Variants in CMTM4 observed in about 807,000 individuals in gnomAD.
CMTM4 encodes CKLF like MARVEL transmembrane domain containing 4.
CMTM4 carries 8 observed loss-of-function variants against 19.0 expected under a neutral mutation model. The ratio of observed to expected loss-of-function variants is 0.42; its 90% CI spans 0.25 to 0.76. The LOEUF (loss-of-function observed/expected upper bound fraction) is 0.76. Ranked by LOEUF, CMTM4 falls within the 30% of genes least tolerant of loss-of-function variation. The pLI is 0.27. For missense variants in CMTM4, 228 were observed against 290.2 expected, an observed-to-expected ratio of 0.79 and a Z score of 1.56; for synonymous variants, 106 against 121.1, an observed-to-expected ratio of 0.88 and a Z score of 0.82.
chr16:66,629,702 G>C (rs1417865476), intron 2 of CMTM4, among the ~76,000 whole-genome samples: 1 of 152,172 alleles, frequency 6.6e-6, no homozygotes, highest in East Asian at 1.9e-4. Flanking sequence ...GGTGATTAGA[G>C]AGTTGGAATT....
chr16:66,650,131 T>G (rs2144838366), intron 1 of CMTM4, among the ~76,000 whole-genome samples: 1 of 152,210 alleles, frequency 6.6e-6, no homozygotes, highest in Admixed American at 6.5e-5. Context: ...AACACCAAAC[T>G]CAGGTGGTCT....
chr16:66,676,385 G>A (rs1323660498), intron 1 of CMTM4, among the ~76,000 whole-genome samples: 2 of 152,104 alleles, frequency 1.3e-5, no homozygotes. Context: ...TCACAGAACT[G>A]TCCCACATCT....
Position 66,622,342 on chromosome 16 carries a change from T to C in CMTM4, c.463-120A>G, listed in dbSNP as rs2015655896. The C allele has an allele frequency of 4.5e-6, 5 of 1,101,386 alleles. No homozygotes were observed. The highest frequency in any genetic ancestry group is 6.5e-6 in the Non-Finnish European group (5 of 772,270). 68.2% of individuals were successfully genotyped at this position (1,101,386 alleles called of 1,614,324 possible). On this transcript the variant is annotated intron_variant, in intron 3 of 3. Transcript: ENST00000394106. The surrounding 1 kb of genome is among the most constrained non-coding windows in gnomAD (Gnocchi z 4.0). ...CTGCCAGCTGATCATTACAACCCTG[T>C]GCCTTCATTCCTTGATCTCTTCCCC...
intron 1 of CMTM4, among the ~76,000 whole-genome samples, chr16:66,678,920 T>G (rs906634628): frequency 6.6e-6 from 1 of 151,918 alleles, no homozygotes; most frequent in Non-Finnish European, 1.5e-5. Flanking sequence ...CTGGGCAACA[T>G]GGCGAAACCC....
chr16:66,631,673 G>A (rs2015874191), intron 2 of CMTM4, among the ~76,000 whole-genome samples: 2 of 152,078 alleles, frequency 1.3e-5, no homozygotes, highest in African/African-American at 4.8e-5. Context: ...TGTCCACTCA[G>A]GGTTAAATGG....
chr16:66,666,583 A>C (rs951350003), intron 1 of CMTM4, among the ~76,000 whole-genome samples: 1 of 152,260 alleles, frequency 6.6e-6, no homozygotes, highest in African/African-American at 2.4e-5. Context: ...GTAAGAAAAC[A>C]AACTGCCCAA....
Position 66,621,558 on chromosome 16 carries a change from G to A in CMTM4, c.*500C>T. ...CCAGCCCTGTGGCCTTTGGGCTGGT[G>A]CTGGCTGCCTGGGGGCCCTGGCATG... On this transcript the variant is annotated 3_prime_UTR_variant, in exon 4 of 4. Transcript: ENST00000394106. The A allele has an allele frequency of 1.1e-5, 11 of 988,966 alleles. No individual in the cohort carries two copies. The highest frequency in any genetic ancestry group is 1.1e-5 in the Non-Finnish European group (9 of 831,746). 61.3% of individuals were successfully genotyped at this position (988,966 alleles called of 1,614,324 possible).
intron 2 of CMTM4, among the ~76,000 whole-genome samples, chr16:66,635,708 C>A (rs988212884): frequency 1.3e-5 from 2 of 152,188 alleles, no homozygotes; most frequent in Non-Finnish European, 2.9e-5. Context: ...CTGACTGACT[C>A]CCTTTGAGCT....
rs942012922 is a variant in CMTM4, at chr16:66,673,359, C to G, written c.186+22981G>C. On this transcript the variant is annotated intron_variant, in intron 1 of 3. Coordinates refer to ENST00000394106, the MANE Select transcript of CMTM4 (RefSeq NM_181521.3). ...AGTAGCTGGGACTACAGGCTCACAC[C>G]ACCATGCTCAGCTAATTTTTTTATT... Among the ~76,000 whole-genome samples the G allele has an allele frequency of 3.3e-5, 5 of 151,904 alleles. No individual in the cohort carries two copies. The South Asian group carries it at 1.0e-3, about 32-fold the overall frequency.
chr16:66,604,688 C>A, the CMTM4 span: 5 of 784,780 alleles, frequency 6.4e-6, no homozygotes, highest in African/African-American at 1.8e-5. Context: ...GCGGGGGATG[C>A]GCCCCTGCGC....
chr16:66,696,218 G>T lies in CMTM4; in HGVS notation c.186+122C>A. The T allele has an allele frequency of 1.6e-6, 1 of 644,526 alleles. No individual in the cohort carries two copies. The highest frequency in any genetic ancestry group is 2.2e-6 in the Non-Finnish European group (1 of 458,282). The allele number at this position is 644,526 out of a possible 1,614,324, so 39.9% of individuals were successfully genotyped here. A position where few individuals can be genotyped will look rare whatever the true frequency, so the allele number is the denominator to read the frequency against. On this transcript the variant is annotated intron_variant, in intron 1 of 3. Coordinates refer to ENST00000394106, the MANE Select transcript of CMTM4 (RefSeq NM_181521.3). The surrounding 1 kb of genome is among the most constrained non-coding windows in gnomAD (Gnocchi z 4.3). ...TCCCGGGACCCCACGAGGGAGAGGG[G>T]GCGCGAGGAGCGGGCTCCGGCCTGG...
At chr16:66,654,547 T>G (rs1385665837) in intron 1 of CMTM4, among the ~76,000 whole-genome samples, 1 of 152,158 alleles carries the variant, frequency 6.6e-6, no homozygotes, top group Non-Finnish European at 1.5e-5. Context: ...ACTGGGCACC[T>G]CTACGTAATA....
chr16:66,683,157 AT>A (rs1567432094), intron 1 of CMTM4, among the ~76,000 whole-genome samples: 2 of 123,332 alleles, frequency 1.6e-5, no homozygotes, highest in African/African-American at 6.0e-5. Context: ...GTATATATAT[AT>A]ACGTATATAT....
At chr16:66,600,136 GT>G in the CMTM4 span, among the ~76,000 whole-genome samples, 4 of 135,166 alleles carry the variant, frequency 3.0e-5, no homozygotes, top group Admixed American at 7.8e-5. Context: ...GTGTGTGTGT[GT>G]TTTTTTTTGT....
intron 2 of CMTM4, among the ~76,000 whole-genome samples, chr16:66,629,545 G>T (rs1379922350): frequency 1.3e-5 from 2 of 152,138 alleles, no homozygotes; most frequent in Admixed American, 6.6e-5. Context: ...TCAAATCCTT[G>T]AATCTCTTGA....
intron 2 of CMTM4, among the ~76,000 whole-genome samples, chr16:66,631,421 A>T (rs988157273): frequency 2.6e-5 from 4 of 151,466 alleles, no homozygotes; most frequent in Admixed American, 2.0e-4. Context: ...CCACCCCGTC[A>T]GGGAGGTGTA....
At chr16:66,610,151 A>C, downstream of CMTM4, 1 of 970,074 alleles carries the variant, frequency 1.0e-6, no homozygotes, top group Non-Finnish European at 1.5e-6. The surrounding 1 kb of genome is among the most constrained non-coding windows in gnomAD (Gnocchi z 4.6). Flanking sequence ...ACCTACCCTC[A>C]TGCAGCACTG....
downstream of CMTM4, among the ~76,000 whole-genome samples, chr16:66,611,912 G>A (rs1335943534): frequency 6.6e-6 from 1 of 152,102 alleles, no homozygotes; most frequent in Admixed American, 6.5e-5. Context: ...TTTTAGTTTG[G>A]GGGACAAGAA....
At chr16:66,686,546 C>CAAAAA (rs35913878) in intron 1 of CMTM4, among the ~76,000 whole-genome samples, 1 of 87,238 alleles carries the variant, frequency 1.1e-5, no homozygotes, top group African/African-American at 5.0e-5. Flanking sequence ...GACTCTGTCT[C>CAAAAA]AAAAAAAAAA....
Sources: allele counts gnomAD v4.1 joint callset (sites outside exome capture counted in the v4.1 genomes callset), GRCh38; gene constraint gnomAD v4.1.1; non-coding constraint Gnocchi (gnomAD v3.1); transcripts MANE v1.5; gene names NCBI Gene and HGNC (gene_info 2026-07-23, HGNC 2026-07-21).